The following EFL1 variants were observed in gnomAD, a reference collection of about 807,000 sequenced individuals.
The protein encoded by EFL1 is elongation factor-like GTPase 1.
In EFL1, 76 loss-of-function variants were observed where a neutral mutation model predicts 126.7. The observed-to-expected ratio is 0.60, with a 90% CI of 0.50 to 0.73. The LOEUF (loss-of-function observed/expected upper bound fraction) is 0.73. EFL1 is among the 30% of genes least tolerant of loss of function. EFL1 has a pLI of 0.00. For synonymous variants in EFL1, 410 were observed against 448.4 expected (o/e 0.91, Z 1.08); for missense variants, 1,128 against 1,343.2 (o/e 0.84, Z 2.50).
At chr15:82,246,494 G>A (rs991345985) in intron 4 of EFL1, among the ~76,000 whole-genome samples, 1 of 152,014 alleles carries the variant, frequency 6.6e-6, no homozygotes, top group African/African-American at 2.4e-5. Context: ...AGTAATTGTA[G>A]GATAACTTTG....
At chr15:82,156,101 A>G in intron 17 of EFL1, among the ~76,000 whole-genome samples, 1 of 152,228 alleles carries the variant, frequency 6.6e-6, no homozygotes, top group Non-Finnish European at 1.5e-5. Flanking sequence ...GCTATTAAGA[A>G]GCTTTTTGCC....
intron 15 of EFL1, among the ~76,000 whole-genome samples, chr15:82,181,412 T>C (rs780119330): frequency 6.6e-6 from 1 of 152,176 alleles, no homozygotes; most frequent in Non-Finnish European, 1.5e-5. Context: ...ACATTCACTA[T>C]CCTCAGTAAC....
intron 15 of EFL1, among the ~76,000 whole-genome samples, chr15:82,165,827 G>T (rs1335204395): frequency 6.6e-6 from 1 of 152,184 alleles, no homozygotes; most frequent in Non-Finnish European, 1.5e-5. Flanking sequence ...CACAGGACAT[G>T]ATTTACAGAC....
At chr15:82,207,278 A>ATGTG (rs754666632) in intron 15 of EFL1, among the ~76,000 whole-genome samples, 1 of 130,902 alleles carries the variant, frequency 7.6e-6, no homozygotes, top group Admixed American at 7.6e-5. Flanking sequence ...ATATATATTT[A>ATGTG]TGTGTGTGTA....
chr15:82,236,536 T>C (rs1202048906), intron 7 of EFL1, among the ~76,000 whole-genome samples: 1 of 152,192 alleles, frequency 6.6e-6, no homozygotes, highest in African/African-American at 2.4e-5. Context: ...CAAGTGATTT[T>C]GACAAAGGCA....
At chr15:82,197,705 A>T (rs1167085324) in intron 15 of EFL1, among the ~76,000 whole-genome samples, 1 of 152,196 alleles carries the variant, frequency 6.6e-6, no homozygotes, top group African/African-American at 2.4e-5. Context: ...TAGTAGTTGG[A>T]AGAGGGGTAG....
intron 4 of EFL1, among the ~76,000 whole-genome samples, chr15:82,248,267 C>G (rs901144056): frequency 1.3e-5 from 2 of 152,058 alleles, no homozygotes; most frequent in Admixed American, 6.5e-5. Context: ...AAAATCTACC[C>G]TTCAGTCAAA....
intron 7 of EFL1, among the ~76,000 whole-genome samples, chr15:82,234,288 G>A (rs1179370865): frequency 6.6e-6 from 1 of 152,148 alleles, no homozygotes; most frequent in African/African-American, 2.4e-5. Context: ...TTATATGACT[G>A]AATGAATCAC....
Position 82,240,401 on chromosome 15 carries a change from A to T in EFL1, c.516+17T>A. The T allele has an allele frequency of 6.4e-7, 1 of 1,552,350 alleles. No individual in the cohort carries two copies. The highest frequency in any genetic ancestry group is 8.7e-7 in the Non-Finnish European group (1 of 1,148,114). On this transcript the variant is annotated intron_variant, in intron 6 of 19. Coordinates refer to ENST00000268206, the MANE Select transcript of EFL1 (RefSeq NM_024580.6). ...TTCTTCGTGGCTAAATTTTTTAAAT[A>T]CTAAAAATTAAAATACCTGTTCTAA... is the stretch of plus-strand genomic sequence containing the variant.
chr15:82,229,888 A>T (rs550927299), intron 8 of EFL1, among the ~76,000 whole-genome samples: 4 of 152,368 alleles, frequency 2.6e-5, no homozygotes, highest in Admixed American at 2.6e-4. Context: ...TAGAATCATA[A>T]CTATCCTATG....
intron 3 of EFL1, among the ~76,000 whole-genome samples, chr15:82,255,447 T>C (rs1485199995): frequency 6.6e-6 from 1 of 152,210 alleles, no homozygotes; most frequent in African/African-American, 2.4e-5. Flanking sequence ...TTTTTCACAG[T>C]TACCAGGCTT....
At chr15:82,153,864 GA>G (rs1010484270) in intron 17 of EFL1, among the ~76,000 whole-genome samples, 4 of 151,964 alleles carry the variant, frequency 2.6e-5, no homozygotes, top group African/African-American at 9.7e-5. Context: ...TTGATTTTAA[GA>G]AAAAAGCCAC....
At chr15:82,242,288 C>T (rs1294652726) in intron 4 of EFL1, among the ~76,000 whole-genome samples, 1 of 149,744 alleles carries the variant, frequency 6.7e-6, no homozygotes, top group Non-Finnish European at 1.5e-5. Context: ...CTCCCCTTAA[C>T]TCAGTGTTTA....
At chr15:82,218,417 A>G (rs989123614) in intron 14 of EFL1, among the ~76,000 whole-genome samples, 1 of 152,186 alleles carries the variant, frequency 6.6e-6, no homozygotes, top group Non-Finnish European at 1.5e-5. Flanking sequence ...GACATGAGAC[A>G]CATAAGCAAC....
chr15:82,175,634 T>C (rs2074187150), intron 15 of EFL1, among the ~76,000 whole-genome samples: 2 of 152,190 alleles, frequency 1.3e-5, no homozygotes, highest in African/African-American at 4.8e-5. Context: ...TCCCAGCACT[T>C]TGGGAGTCAT....
At chr15:82,239,381 C>G (rs2074907880) in intron 6 of EFL1, among the ~76,000 whole-genome samples, 1 of 152,158 alleles carries the variant, frequency 6.6e-6, no homozygotes, top group South Asian at 2.1e-4. Context: ...CGTGATCCAC[C>G]CGCCTCGGCC....
intron 17 of EFL1, among the ~76,000 whole-genome samples, chr15:82,153,104 T>G (rs1016478576): frequency 1.3e-5 from 2 of 152,200 alleles, no homozygotes; most frequent in African/African-American, 4.8e-5. Flanking sequence ...CTAGTATGAC[T>G]GAGGAACTAA....
Position 82,197,606 on chromosome 15 carries a change from C to T in EFL1, c.1750+17111G>A, listed in dbSNP as rs112121041. Among the ~76,000 whole-genome samples, 84 of 152,040 alleles carry T rather than the reference C, an allele frequency of 5.5e-4. 1 individual carries two copies. The highest frequency in any genetic ancestry group is 2.0e-3 in the African/African-American group (81 of 41,426). ...TTTTCATAATAATGCTTTTTTCCAA[C>T]TAGAAACAACCAAAGGTGTCATAAC... On this transcript the variant is annotated intron_variant, in intron 15 of 19. Coordinates refer to ENST00000268206, the MANE Select transcript of EFL1 (RefSeq NM_024580.6).
chr15:82,150,254 AC>A (rs1177467412), intron 18 of EFL1, among the ~76,000 whole-genome samples: 1 of 152,178 alleles, frequency 6.6e-6, no homozygotes, highest in Non-Finnish European at 1.5e-5. Context: ...GGGAAAAAAA[AC>A]AAACAAACTT....
Sources: allele counts gnomAD v4.1 joint callset (sites outside exome capture counted in the v4.1 genomes callset), GRCh38; gene constraint gnomAD v4.1.1; transcripts MANE v1.5; gene names NCBI Gene and HGNC (gene_info 2026-07-23, HGNC 2026-07-21).